DAB1: variants seen among roughly 807,000 people sequenced by gnomAD.
DAB1 encodes the protein disabled homolog 1.
Under a neutral mutation model 64.6 loss-of-function variants are expected in DAB1, and 15 were observed. That is an observed-to-expected ratio of 0.23 (90% confidence interval 0.16 to 0.36). The LOEUF is 0.36. Ranked by LOEUF, DAB1 falls within the 10% of genes least tolerant of loss-of-function variation. DAB1 has a pLI of 1.00. For synonymous variants in DAB1, 235 were observed against 251.9 expected (o/e 0.93, Z 0.64); for missense variants, 596 against 706.7 (o/e 0.84, Z 1.78).
intron 2 of DAB1, among the ~76,000 whole-genome samples, chr1:57,260,596 T>C (rs988291957): frequency 2.0e-5 from 3 of 152,068 alleles, no homozygotes; most frequent in African/African-American, 7.2e-5. Flanking sequence ...ACCCCACAGA[T>C]CCTGAGGCTG....
intron 3 of DAB1, among the ~76,000 whole-genome samples, chr1:58,445,129 T>G (rs1482237966): frequency 6.6e-6 from 1 of 152,196 alleles, no homozygotes; most frequent in African/African-American, 2.4e-5. Flanking sequence ...TTGGTCACCC[T>G]ACCTTGGCAA....
chr1:57,998,114 C>T (rs1163206372), intron 5 of DAB1, among the ~76,000 whole-genome samples: 1 of 152,156 alleles, frequency 6.6e-6, no homozygotes, highest in Non-Finnish European at 1.5e-5. Flanking sequence ...CTCCCTGGTA[C>T]TTCTAGAAAT....
chr1:57,162,139 G>A (rs150176615), intron 2 of DAB1, among the ~76,000 whole-genome samples: 3 of 152,296 alleles, frequency 2.0e-5, no homozygotes, highest in Admixed American at 1.3e-4. Context: ...AGCCTTTCAC[G>A]CTTATCAGAG....
chr1:57,546,676 C>T (rs1644859990), intron 7 of DAB1, among the ~76,000 whole-genome samples: 1 of 152,172 alleles, frequency 6.6e-6, no homozygotes, highest in Admixed American at 6.6e-5. Flanking sequence ...ATAATGTTTT[C>T]AGCCAGTGAC....
intron 2 of DAB1, among the ~76,000 whole-genome samples, chr1:57,233,749 C>G (rs907318176): frequency 6.6e-6 from 1 of 151,252 alleles, no homozygotes; most frequent in Non-Finnish European, 1.5e-5. Flanking sequence ...ACAGAGCGAG[C>G]CTCTGTCTCA....
chr1:58,333,012 C>T (rs1455989140), intron 4 of DAB1, among the ~76,000 whole-genome samples: 5 of 152,256 alleles, frequency 3.3e-5, no homozygotes, highest in Middle Eastern at 3.4e-3. Context: ...CGGGTTCAAG[C>T]GATTCTCCTG....
chr1:58,100,835 T>C (rs1246440583), intron 5 of DAB1, among the ~76,000 whole-genome samples: 1 of 152,190 alleles, frequency 6.6e-6, no homozygotes, highest in Non-Finnish European at 1.5e-5. Context: ...GTTGAATGAA[T>C]GAATGTATTT....
chr1:57,106,547 T>G (rs996386061), intron 4 of DAB1, among the ~76,000 whole-genome samples: 1 of 152,208 alleles, frequency 6.6e-6, no homozygotes, highest in Non-Finnish European at 1.5e-5. Context: ...GCTTCCTTTC[T>G]GTTTCTTGTC....
At chr1:58,166,769 T>C (rs1156701929) in intron 4 of DAB1, among the ~76,000 whole-genome samples, 7 of 151,572 alleles carry the variant, frequency 4.6e-5, no homozygotes, top group African/African-American at 1.5e-4. Flanking sequence ...TTTTTTTAAT[T>C]TGAGACAGGG....
intron 2 of DAB1, among the ~76,000 whole-genome samples, chr1:57,284,288 C>A (rs1014011563): frequency 2.6e-5 from 4 of 152,174 alleles, no homozygotes; most frequent in Admixed American, 6.5e-5. Context: ...CCTCCCAGCT[C>A]ACAGTTCTTT....
intron 1 of DAB1, among the ~76,000 whole-genome samples, chr1:57,342,296 T>G (rs1240464217): frequency 2.0e-5 from 3 of 152,188 alleles, no homozygotes; most frequent in Non-Finnish European, 2.9e-5. Context: ...GCTCAAAAGT[T>G]CCTTCACTGT....
intron 3 of DAB1, among the ~76,000 whole-genome samples, chr1:58,472,497 A>T (rs892383045): frequency 6.6e-6 from 1 of 152,226 alleles, no homozygotes; most frequent in Non-Finnish European, 1.5e-5. Flanking sequence ...TGGGTAAAAG[A>T]GGGAGAAGCG....
chr1:57,207,448 T>G (rs572766662), intron 2 of DAB1, among the ~76,000 whole-genome samples: 1 of 108,314 alleles, frequency 9.2e-6, no homozygotes, highest in Admixed American at 1.0e-4. Flanking sequence ...TTTCCTTTCT[T>G]TTTTTTTTTT....
chr1:57,379,509 A>G (rs906853853), intron 1 of DAB1, among the ~76,000 whole-genome samples: 2 of 152,178 alleles, frequency 1.3e-5, no homozygotes, highest in African/African-American at 4.8e-5. Flanking sequence ...TGTTAGAATA[A>G]AGGTAAACTG....
chr1:57,517,450 G>C (rs1196858893), intron 7 of DAB1, among the ~76,000 whole-genome samples: 1 of 152,158 alleles, frequency 6.6e-6, no homozygotes, highest in Non-Finnish European at 1.5e-5. Context: ...CCACACAGTA[G>C]GTATCATAAA....
At chr1:58,082,421 AAT>A (rs201785123) in intron 5 of DAB1, among the ~76,000 whole-genome samples, 106 of 135,690 alleles carry the variant, frequency 7.8e-4, no homozygotes, top group African/African-American at 1.4e-3. Flanking sequence ...CCAAAACTTA[AAT>A]AAAAAAAAAA....
chr1:58,222,069 C>T (rs1659200598), intron 4 of DAB1, among the ~76,000 whole-genome samples: 1 of 152,150 alleles, frequency 6.6e-6, no homozygotes, highest in Non-Finnish European at 1.5e-5. Flanking sequence ...GGCAAATAGG[C>T]TAAAATGGTG....
intron 1 of DAB1, among the ~76,000 whole-genome samples, chr1:57,398,868 C>T (rs1202788567): frequency 6.6e-6 from 1 of 152,200 alleles, no homozygotes; most frequent in South Asian, 2.1e-4. Flanking sequence ...AATTACATTT[C>T]ATTTTCTGTG....
At chr1:57,541,236 C>T (rs1048477492) in intron 7 of DAB1, among the ~76,000 whole-genome samples, 1 of 151,598 alleles carries the variant, frequency 6.6e-6, no homozygotes, top group East Asian at 1.9e-4. Flanking sequence ...TCACGCCATT[C>T]TCCTGCCTCA....
Sources: allele counts gnomAD v4.1 joint callset (sites outside exome capture counted in the v4.1 genomes callset), GRCh38; gene constraint gnomAD v4.1.1; transcripts MANE v1.5; gene names NCBI Gene and HGNC (gene_info 2026-07-23, HGNC 2026-07-21).